The following SAMD13 variants were observed in gnomAD, a reference collection of about 807,000 sequenced individuals.
The protein encoded by SAMD13 is sterile alpha motif domain containing 13, also known as sterile alpha motif domain-containing protein 13.
SAMD13 carries 9 observed loss-of-function variants against 12.4 expected under a neutral mutation model. The ratio of observed to expected loss-of-function variants is 0.72; its 90% CI spans 0.44 to 1.26. SAMD13 has a LOEUF of 1.26. Among genes scored for constraint, SAMD13 ranks in the 50% most tolerant of loss-of-function variants. The pLI is 0.00. For synonymous variants in SAMD13, 46 were observed against 45.4 expected, an observed-to-expected ratio of 1.01 and a Z score of -0.05; for missense variants, 84 against 119.6, an observed-to-expected ratio of 0.70 and a Z score of 1.39.
chr1:84,325,836 G>A, intron 3 of SAMD13, 88 bp downstream of exon 3: 2 of 774,928 alleles, frequency 2.6e-6, no homozygotes, highest in South Asian at 1.6e-5. Context: ...GGAGTGAGGA[G>A]GAAGAGGACC....
At chr1:84,339,298 T>C (rs993155346) in intron 3 of SAMD13, among the ~76,000 whole-genome samples, 5 of 152,204 alleles carry the variant, frequency 3.3e-5, no homozygotes, top group Non-Finnish European at 7.3e-5. Flanking sequence ...TTTATTTTTT[T>C]ATTTTTTCAT....
At chr1:84,329,118 C>T (rs1380763121) in intron 3 of SAMD13, among the ~76,000 whole-genome samples, 1 of 151,910 alleles carries the variant, frequency 6.6e-6, no homozygotes, top group East Asian at 1.9e-4. Flanking sequence ...GGATGGAACC[C>T]CCATGATGAG....
chr1:84,331,071 T>C (rs1048784079), intron 3 of SAMD13, among the ~76,000 whole-genome samples: 1 of 152,142 alleles, frequency 6.6e-6, no homozygotes, highest in East Asian at 1.9e-4. Flanking sequence ...TAACTTTGGA[T>C]AAGTTTCTGA....
At chr1:84,333,629 A>G (rs566636821) in intron 3 of SAMD13, among the ~76,000 whole-genome samples, 4 of 152,132 alleles carry the variant, frequency 2.6e-5, no homozygotes, top group Admixed American at 1.3e-4. Flanking sequence ...GTCAGAGACT[A>G]TGGGGTTTTC....
chr1:84,316,041 C>T (rs1678826281), intron 2 of SAMD13, among the ~76,000 whole-genome samples: 1 of 151,948 alleles, frequency 6.6e-6, no homozygotes, highest in Non-Finnish European at 1.5e-5. Context: ...CTATTATGTC[C>T]TTCGACCATT....
At chr1:84,344,942 G>A (rs1679505961) in intron 3 of SAMD13, 2 of 456,602 alleles carry the variant, frequency 4.4e-6, no homozygotes, top group South Asian at 3.1e-5. Flanking sequence ...ACATTTGGAG[G>A]AGGAACTATG....
chr1:84,336,503 CT>C (rs984402641), intron 3 of SAMD13, among the ~76,000 whole-genome samples: 7 of 148,630 alleles, frequency 4.7e-5, no homozygotes. Flanking sequence ...AGGGGAACTC[CT>C]CTTTTTAAAA....
chr1:84,345,095 C>T (rs548302377), intron 3 of SAMD13: 2 of 456,558 alleles, frequency 4.4e-6, no homozygotes, highest in Non-Finnish European at 8.8e-6. Context: ...GAGCAAGTAC[C>T]TCTACCTCTG....
intron 2 of SAMD13, among the ~76,000 whole-genome samples, chr1:84,305,485 C>A (rs895709360): frequency 3.9e-5 from 6 of 151,956 alleles, no homozygotes; most frequent in Non-Finnish European, 8.8e-5. Flanking sequence ...TTCAAAGTAT[C>A]AAAGTTTTTA....
At chr1:84,321,247 C>A (rs1474979720) in intron 2 of SAMD13, among the ~76,000 whole-genome samples, 3 of 152,038 alleles carry the variant, frequency 2.0e-5, no homozygotes, top group Admixed American at 6.6e-5. Context: ...TTTATCAATA[C>A]TTGATGTACC....
intron 3 of SAMD13, among the ~76,000 whole-genome samples, chr1:84,344,107 A>G (rs1483166083): frequency 1.4e-5 from 2 of 144,630 alleles, no homozygotes; most frequent in African/African-American, 5.1e-5. Flanking sequence ...CAGACCCTTT[A>G]TCACCTACCT....
Position 84,303,229 on chromosome 1 carries a change from C to T in SAMD13, c.-6C>T, listed in dbSNP as rs200979305. The T allele has an allele frequency of 2.0e-4, 323 of 1,612,878 alleles. 1 individual carries two copies. The highest frequency in any genetic ancestry group is 2.6e-4 in the Non-Finnish European group (311 of 1,179,140). On this transcript the variant is annotated 5_prime_UTR_variant, in exon 2 of 4. Coordinates refer to ENST00000394834, the MANE Select transcript of SAMD13 (RefSeq NM_001134663.2). Reference sequence around the variant, plus strand: ...TGCTGAAGTAAAGGAACCCTGCAGCCTTCCCATGCTATCTGTTGACATGGA... The same window carrying T: ...TGCTGAAGTAAAGGAACCCTGCAGCTTTCCCATGCTATCTGTTGACATGGA...
intron 3 of SAMD13, among the ~76,000 whole-genome samples, chr1:84,339,249 G>A (rs569359706): frequency 6.6e-6 from 1 of 151,806 alleles, no homozygotes; most frequent in African/African-American, 2.4e-5. Context: ...TATTGCACTA[G>A]GTTTTTTTGT....
Position 84,314,592 on chromosome 1 carries a change from C to G in SAMD13, c.54-11045C>G, listed in dbSNP as rs11809752. On this transcript the variant is annotated intron_variant, in intron 2 of 3. Transcript: ENST00000394834. The stretch of plus-strand genomic sequence containing the variant: ...GTCCACTCTTCCCTGTCCCCACAGC[C>G]TCACTGCCCTCACCCTACCTGAATG... 5.7e-3 allele frequency among the ~76,000 whole-genome samples: 865 copies of G among 152,224 alleles called. 5 individuals carry two copies. Among genetic ancestry groups the G allele is most frequent in the African/African-American group, 0.019 (797 of 41,534 alleles).
chr1:84,312,908 T>C (rs1678745931), intron 2 of SAMD13, among the ~76,000 whole-genome samples: 1 of 152,160 alleles, frequency 6.6e-6, no homozygotes. Flanking sequence ...GGAAATGTTA[T>C]ATGAACATAA....
At chr1:84,324,033 A>G (rs957507892) in intron 2 of SAMD13, among the ~76,000 whole-genome samples, 7 of 152,002 alleles carry the variant, frequency 4.6e-5, no homozygotes, top group African/African-American at 9.7e-5. Flanking sequence ...TCCATTCTCT[A>G]TGTCTGGTCT....
intron 3 of SAMD13, among the ~76,000 whole-genome samples, chr1:84,343,477 G>A (rs948440151): frequency 2.0e-5 from 3 of 152,172 alleles, no homozygotes; most frequent in African/African-American, 7.2e-5. Flanking sequence ...ATGATAGACT[G>A]GATAAAGAAA....
chr1:84,307,166 A>G (rs925752374), intron 2 of SAMD13, among the ~76,000 whole-genome samples: 1 of 152,120 alleles, frequency 6.6e-6, no homozygotes, highest in East Asian at 1.9e-4. Context: ...GGGGACTCCA[A>G]TTTTATGTGG....
At chr1:84,307,614 A>G (rs1678608053) in intron 2 of SAMD13, among the ~76,000 whole-genome samples, 1 of 152,028 alleles carries the variant, frequency 6.6e-6, no homozygotes, top group African/African-American at 2.4e-5. Flanking sequence ...TGTGAATTTT[A>G]CCTTGTTGGG....
Sources: allele counts gnomAD v4.1 joint callset (sites outside exome capture counted in the v4.1 genomes callset), GRCh38; gene constraint gnomAD v4.1.1; transcripts MANE v1.5; gene names NCBI Gene and HGNC (gene_info 2026-07-23, HGNC 2026-07-21).